MEF2A: variants seen among roughly 807,000 people sequenced by gnomAD.
MEF2A encodes myocyte enhancer factor 2A.
Under a neutral mutation model 55.8 loss-of-function variants are expected in MEF2A, and 28 were observed. The observed-to-expected ratio is 0.50, with a 90% CI of 0.37 to 0.69. MEF2A has a LOEUF of 0.69. Ranked by LOEUF, MEF2A falls within the 30% of genes least tolerant of loss-of-function variation. MEF2A has a pLI of 0.00. For synonymous variants in MEF2A, 239 were observed against 227.1 expected (o/e 1.05, Z -0.47); for missense variants, 528 against 626.2 (o/e 0.84, Z 1.67).
rs751045780 is a variant in MEF2A, at chr15:99,710,646, C to G, written c.1022C>G (p.Thr341Ser). ...TCTTCCTTTGTAGATTATTCACTGA[C>G]CAGCGCTGACCTGTCAGCCCTTCAA... The part of the protein sequence containing the change: ...PTAYNTDYSL[T>S]SADLSALQGF... Residue 341 changes from threonine (T) to serine (S), a missense_variant, in exon 11 of 12, where the codon ACC becomes AGC. Transcript: ENST00000557942. 1.9e-6 allele frequency: 3 copies of G among 1,612,788 alleles called. No homozygotes were observed. The highest frequency in any genetic ancestry group is 1.1e-5 in the South Asian group (1 of 91,072).
intron 2 of MEF2A, among the ~76,000 whole-genome samples, chr15:99,626,751 A>G (rs866663183): frequency 3.9e-5 from 6 of 152,218 alleles, no homozygotes; most frequent in South Asian, 2.1e-4. Flanking sequence ...ACATCTTTAT[A>G]AAGTTGAAAT....
chr15:99,671,228 C>A, intron 4 of MEF2A, 95 bp from the exon 5 acceptor site: 1 of 1,353,958 alleles, frequency 7.4e-7, no homozygotes, highest in Non-Finnish European at 1.0e-6. Context: ...TTGTATAATT[C>A]AGTTCATTCC....
chr15:99,692,987 A>C lies in MEF2A; in HGVS notation c.858+2559A>C, dbSNP rs555983785. Among the ~76,000 whole-genome samples the C allele has an allele frequency of 5.4e-4, 82 of 152,252 alleles. 1 individual carries two copies. The highest frequency in any genetic ancestry group is 1.9e-3 in the African/African-American group (81 of 41,544). On this transcript the variant is annotated intron_variant, in intron 8 of 11. Transcript: ENST00000557942. Reference sequence around the variant, plus strand: ...GAAGGCCACAGCCTGAGGCACAACAAGAGAGGGGATGACTTAAAGCTGAGA... The same window carrying C: ...GAAGGCCACAGCCTGAGGCACAACACGAGAGGGGATGACTTAAAGCTGAGA...
chr15:99,666,655 C>A (rs1345738861), intron 4 of MEF2A, among the ~76,000 whole-genome samples: 4 of 151,496 alleles, frequency 2.6e-5, no homozygotes, highest in African/African-American at 9.7e-5. Context: ...TAAAGTTCCT[C>A]TTCTTTTAGG....
At chr15:99,670,915 G>T (rs2058535061) in intron 4 of MEF2A, among the ~76,000 whole-genome samples, 1 of 152,182 alleles carries the variant, frequency 6.6e-6, no homozygotes, top group Non-Finnish European at 1.5e-5. Flanking sequence ...TGAAGTTGCT[G>T]AAATGTTCAA....
At chr15:99,600,710 G>A (rs1242281866) in intron 2 of MEF2A, among the ~76,000 whole-genome samples, 1 of 151,956 alleles carries the variant, frequency 6.6e-6, no homozygotes, top group Non-Finnish European at 1.5e-5. Context: ...ACATTAATTG[G>A]CCATTATGTG....
At chr15:99,669,875 T>G (rs1389765291) in intron 4 of MEF2A, among the ~76,000 whole-genome samples, 1 of 152,226 alleles carries the variant, frequency 6.6e-6, no homozygotes, top group Non-Finnish European at 1.5e-5. Flanking sequence ...TAATCAAAAA[T>G]ATCTTTAGAT....
intron 1 of MEF2A, among the ~76,000 whole-genome samples, chr15:99,579,413 G>C (rs552769552): frequency 5.7e-4 from 83 of 144,454 alleles, no homozygotes; most frequent in African/African-American, 2.0e-3. Flanking sequence ...CCTTTTTTTT[G>C]AGACAGAGTC....
intron 4 of MEF2A, 32 bp downstream of exon 4, chr15:99,645,796 A>C: frequency 1.4e-6 from 2 of 1,434,392 alleles, no homozygotes; most frequent in Non-Finnish European, 1.9e-6. Flanking sequence ...GTGAATTGCA[A>C]GTAATACTGA....
At chr15:99,603,363 T>G (rs1973962933) in intron 2 of MEF2A, among the ~76,000 whole-genome samples, 1 of 150,122 alleles carries the variant, frequency 6.7e-6, no homozygotes, top group African/African-American at 2.5e-5. Flanking sequence ...TGGTGGTCTG[T>G]GTTAGTAAAA....
chr15:99,680,859 T>A (rs2153675390), intron 7 of MEF2A, among the ~76,000 whole-genome samples: 1 of 152,346 alleles, frequency 6.6e-6, no homozygotes, highest in Middle Eastern at 3.4e-3. Flanking sequence ...CATAACATCT[T>A]TATTGTAGTA....
chr15:99,640,990 C>A (rs1230790755), intron 3 of MEF2A, among the ~76,000 whole-genome samples: 2 of 152,090 alleles, frequency 1.3e-5, no homozygotes, highest in African/African-American at 4.8e-5. Flanking sequence ...ACCCACCAGT[C>A]TAGTTGATGT....
chr15:99,638,675 A>T (rs1384591679), intron 3 of MEF2A, among the ~76,000 whole-genome samples: 1 of 152,022 alleles, frequency 6.6e-6, no homozygotes, highest in African/African-American at 2.4e-5. Flanking sequence ...CCATCTTGTC[A>T]TCCATTTTCT....
At chr15:99,639,609 T>C (rs2044523746) in intron 3 of MEF2A, among the ~76,000 whole-genome samples, 1 of 152,208 alleles carries the variant, frequency 6.6e-6, no homozygotes, top group African/African-American at 2.4e-5. Context: ...ATTGCTAGGC[T>C]GAGTATGTCC....
chr15:99,700,768 A>G (rs1370980949), intron 8 of MEF2A, among the ~76,000 whole-genome samples: 3 of 152,186 alleles, frequency 2.0e-5, no homozygotes, highest in East Asian at 3.8e-4. Flanking sequence ...GTGCGTATCA[A>G]AAGTCACGGG....
At chr15:99,587,880 CT>C (rs2152930630) in intron 1 of MEF2A, among the ~76,000 whole-genome samples, 1 of 152,060 alleles carries the variant, frequency 6.6e-6, no homozygotes, top group East Asian at 1.9e-4. Context: ...TGAATAGAAC[CT>C]GTTTTAATTC....
At chr15:99,659,280 C>T (rs1364810724) in intron 4 of MEF2A, among the ~76,000 whole-genome samples, 1 of 151,998 alleles carries the variant, frequency 6.6e-6, no homozygotes, top group East Asian at 1.9e-4. Flanking sequence ...GGGGGTGGGG[C>T]AGGTAGGGAA....
At chr15:99,626,431 A>AT (rs1015286934) in intron 2 of MEF2A, among the ~76,000 whole-genome samples, 59 of 147,288 alleles carry the variant, frequency 4.0e-4, no homozygotes, top group Middle Eastern at 3.5e-3. Context: ...GGCTTCGTTG[A>AT]TTTTTTTTTT....
At chr15:99,689,940 G>A (rs537303886) in intron 7 of MEF2A, among the ~76,000 whole-genome samples, 3 of 152,296 alleles carry the variant, frequency 2.0e-5, no homozygotes, top group African/African-American at 7.2e-5. Flanking sequence ...CACAGGTTGA[G>A]TATCCCAAAT....
Sources: gnomAD v4.1 joint callset for allele counts (sites outside exome capture counted in the v4.1 genomes callset) on GRCh38, gnomAD v4.1.1 for gene constraint, MANE v1.5 for transcripts, NCBI Gene and HGNC (gene_info 2026-07-23, HGNC 2026-07-21) for gene names.